AGBL1: variants seen among roughly 807,000 people sequenced by gnomAD.
AGBL1 encodes cytosolic carboxypeptidase 4.
AGBL1 carries 130 observed loss-of-function variants against 118.9 expected under a neutral mutation model. The observed-to-expected ratio is 1.09, with a 90% CI of 0.95 to 1.26. The LOEUF (loss-of-function observed/expected upper bound fraction) is 1.26, where lower values mean the gene tolerates loss of function less well. Ranked by LOEUF, AGBL1 falls within the 50% of genes most tolerant of loss-of-function variation. The pLI, the probability that AGBL1 is intolerant of heterozygous loss-of-function variation, is 0.00. For synonymous variants in AGBL1, 555 were observed against 478.9 expected (o/e 1.16, Z -2.08); for missense variants, 1,584 against 1,298.1 (o/e 1.22, Z -3.38).
At chr15:86,862,565 C>A (rs1362351679) in intron 22 of AGBL1, among the ~76,000 whole-genome samples, 1 of 151,996 alleles carries the variant, frequency 6.6e-6, no homozygotes, top group Non-Finnish European at 1.5e-5. Flanking sequence ...ACTAATAATA[C>A]AAAAAATTAG....
intron 22 of AGBL1, among the ~76,000 whole-genome samples, chr15:86,699,592 A>G (rs974566883): frequency 1.3e-5 from 2 of 151,952 alleles, no homozygotes; most frequent in African/African-American, 4.8e-5. Flanking sequence ...AGTTATTTTG[A>G]AGAATGTCTC....
chr15:86,136,751 G>A (rs559328363), intron 1 of AGBL1, among the ~76,000 whole-genome samples: 7 of 152,278 alleles, frequency 4.6e-5, no homozygotes, highest in Admixed American at 2.0e-4. Flanking sequence ...CGTAAAGGGC[G>A]TCACTTTCAT....
chr15:86,181,091 GA>G (rs2077546246), intron 5 of AGBL1, among the ~76,000 whole-genome samples: 1 of 152,066 alleles, frequency 6.6e-6, no homozygotes, highest in Non-Finnish European at 1.5e-5. Context: ...AACCACTTTG[GA>G]AAACAGTCTG....
chr15:86,988,036 T>C lies in AGBL1; in HGVS notation c.3271T>C (p.Phe1091Leu), dbSNP rs1262015639. The C allele has an allele frequency of 9.3e-6, 15 of 1,613,456 alleles. No homozygotes were observed. The South Asian group carries it at 1.5e-4, about 17-fold the overall frequency. ...AAAGCATATTTGGTTTGCTTACCAC[T>C]TTTTTGCCATTACAAACTTTTTCAA... Residue 1091 changes from phenylalanine to leucine, a missense_variant, in exon 24 of 25, where the codon TTT becomes CTT. By Grantham distance (22) the Phe-to-Leu change is conservative. Coordinates refer to the AGBL1 transcript ENST00000441037.
rs576262832 is a variant in AGBL1 at position 86,604,944 on chromosome 15, C to T, written c.2994+50407C>T. Reference sequence around the variant, plus strand: ...CTGAGTAGCTGGGATTACAGGCATGCGCCACCACGCCCGGCTAATTTTGTA... The same window carrying T: ...CTGAGTAGCTGGGATTACAGGCATGTGCCACCACGCCCGGCTAATTTTGTA... On this transcript the variant is annotated intron_variant, in intron 21 of 22. Transcript: ENST00000614907. 2.7e-3 allele frequency among the ~76,000 whole-genome samples: 414 copies of T among 151,512 alleles called. 4 individuals carry two copies. Among genetic ancestry groups the T allele is most frequent in the African/African-American group, 9.1e-3 (378 of 41,342 alleles).
chr15:86,770,686 G>A (rs1025033319), intron 22 of AGBL1, among the ~76,000 whole-genome samples: 15 of 151,942 alleles, frequency 9.9e-5, no homozygotes, highest in Non-Finnish European at 1.5e-5. Context: ...CCAAGTAGAT[G>A]TAGAGGGTAT....
chr15:86,785,934 G>A (rs2078405708), intron 22 of AGBL1, among the ~76,000 whole-genome samples: 1 of 152,124 alleles, frequency 6.6e-6, no homozygotes, highest in African/African-American at 2.4e-5. Flanking sequence ...TATGACTGGA[G>A]ATGGGAAGTG....
At chr15:86,724,217 C>G (rs1271103987) in intron 22 of AGBL1, among the ~76,000 whole-genome samples, 1 of 110,368 alleles carries the variant, frequency 9.1e-6, no homozygotes, top group Non-Finnish European at 1.7e-5. Flanking sequence ...GCCTGGATGA[C>G]AGAGTGAGAC....
chr15:86,727,518 G>A (rs1244776603), intron 22 of AGBL1, among the ~76,000 whole-genome samples: 2 of 152,046 alleles, frequency 1.3e-5, no homozygotes, highest in South Asian at 2.1e-4. Context: ...AATGTATAGG[G>A]ATAGTTCTTC....
intron 13 of AGBL1, 108 bp from the exon 14 acceptor site, chr15:86,269,811 T>C (rs2079129197): frequency 1.6e-6 from 2 of 1,269,472 alleles, no homozygotes; most frequent in East Asian, 5.1e-5. Flanking sequence ...GCTGAGATCC[T>C]GGGTCTTAGA....
At chr15:86,963,858 G>A (rs1304204993) in intron 23 of AGBL1, among the ~76,000 whole-genome samples, 1 of 151,946 alleles carries the variant, frequency 6.6e-6, no homozygotes, top group Non-Finnish European at 1.5e-5. Context: ...CTAGTACAGA[G>A]CTGGGCTCAG....
chr15:86,275,137 T>A (rs2141702776), intron 15 of AGBL1, among the ~76,000 whole-genome samples: 1 of 152,264 alleles, frequency 6.6e-6, no homozygotes, highest in East Asian at 1.9e-4. Flanking sequence ...CTTTTTGAAT[T>A]CTCTCCCAGC....
At chr15:86,993,818 T>G (rs949156857) in intron 24 of AGBL1, among the ~76,000 whole-genome samples, 1 of 152,124 alleles carries the variant, frequency 6.6e-6, no homozygotes, top group African/African-American at 2.4e-5. Flanking sequence ...TTTTGTCATT[T>G]TATTAGCGCT....
At chr15:86,299,837 C>T (rs1341641277) in intron 17 of AGBL1, 4 of 151,878 alleles carry the variant, frequency 2.6e-5, no homozygotes, top group African/African-American at 9.7e-5. Flanking sequence ...GTGGTATCTC[C>T]TTTCTTAAAT....
Position 86,284,203 on chromosome 15 carries a change from A to C in AGBL1, c.2220+4420A>C, listed in dbSNP as rs571035292. ...ACTAAAATTAAAATAAAAAAAAAAA[A>C]ACAAATGGAAGACCCCTCCTCAAAA... On this transcript the variant is annotated intron_variant, in intron 16 of 22. Transcript: ENST00000614907. Among the ~76,000 whole-genome samples, 15 of 151,146 alleles carry C rather than the reference A, an allele frequency of 9.9e-5. 1 individual carries two copies. The highest frequency in any genetic ancestry group is 3.7e-4 in the African/African-American group (15 of 41,066).
At chr15:86,606,418 C>T (rs2084578580) in intron 21 of AGBL1, among the ~76,000 whole-genome samples, 1 of 152,068 alleles carries the variant, frequency 6.6e-6, no homozygotes, top group East Asian at 1.9e-4. Context: ...AAATTATCTT[C>T]GTCTAAGTTA....
intron 1 of AGBL1, among the ~76,000 whole-genome samples, chr15:86,126,692 G>A (rs1160018662): frequency 2.0e-5 from 3 of 152,180 alleles, no homozygotes; most frequent in African/African-American, 7.2e-5. Flanking sequence ...TAGAGATACA[G>A]ATAAAAAATA....
intron 3 of AGBL1, among the ~76,000 whole-genome samples, chr15:86,153,951 A>T (rs917523564): frequency 6.6e-6 from 1 of 152,204 alleles, no homozygotes; most frequent in Non-Finnish European, 1.5e-5. Context: ...AACCTAATAA[A>T]ATTAAAAATA....
At chr15:86,534,241 C>T (rs1266510930) in intron 19 of AGBL1, among the ~76,000 whole-genome samples, 1 of 151,072 alleles carries the variant, frequency 6.6e-6, no homozygotes, top group Admixed American at 6.6e-5. Context: ...TAACAAAGGC[C>T]CATGTGAGCT....
Sources: allele counts gnomAD v4.1 joint callset (sites outside exome capture counted in the v4.1 genomes callset), GRCh38; gene constraint gnomAD v4.1.1; transcripts MANE v1.5; gene names NCBI Gene and HGNC (gene_info 2026-07-23, HGNC 2026-07-21).